CSMD1: variants seen among roughly 807,000 people sequenced by gnomAD.
CSMD1 encodes the protein CUB and sushi domain-containing protein 1.
A neutral mutation model predicts 417.5 loss-of-function variants in CSMD1; 213 were observed. That is an observed-to-expected ratio of 0.51 (90% CI 0.46 to 0.57). The LOEUF (loss-of-function observed/expected upper bound fraction) is 0.57. Ranked by LOEUF, CSMD1 falls within the 20% of genes least tolerant of loss-of-function variation. The probability of loss-of-function intolerance (pLI) is 0.00; values close to 1 mark genes in which losing one functional copy is unlikely to be tolerated. For synonymous variants in CSMD1, 2,862 were observed against 1,736.8 expected, an observed-to-expected ratio of 1.65 and a Z score of -16.11; for missense variants, 6,923 against 4,529.7, an observed-to-expected ratio of 1.53 and a Z score of -15.17.
intron 2 of CSMD1, among the ~76,000 whole-genome samples, chr8:4,549,641 C>G (rs1410375869): frequency 6.6e-6 from 1 of 152,084 alleles, no homozygotes; most frequent in Non-Finnish European, 1.5e-5. Flanking sequence ...GTAATCCCAG[C>G]ACCTTGGGAG....
chr8:3,986,352 G>A (rs1814319593), intron 5 of CSMD1, among the ~76,000 whole-genome samples: 1 of 152,056 alleles, frequency 6.6e-6, no homozygotes, highest in Non-Finnish European at 1.5e-5. Context: ...GTAGATCCCT[G>A]AGCACTGAGA....
At chr8:3,456,506 T>C (rs958993271) in intron 12 of CSMD1, among the ~76,000 whole-genome samples, 19 of 152,216 alleles carry the variant, frequency 1.2e-4, no homozygotes, top group African/African-American at 4.3e-4. Flanking sequence ...TTGTGAATGA[T>C]GTCACCATGT....
At chr8:3,564,451 G>A (rs1197661886) in intron 10 of CSMD1, among the ~76,000 whole-genome samples, 1 of 151,472 alleles carries the variant, frequency 6.6e-6, no homozygotes, top group Non-Finnish European at 1.5e-5. Context: ...CTTTACCTCT[G>A]TAACACTTTA....
intron 11 of CSMD1, among the ~76,000 whole-genome samples, chr8:3,486,853 C>T (rs1020230549): frequency 6.6e-6 from 1 of 152,188 alleles, no homozygotes; most frequent in Non-Finnish European, 1.5e-5. Flanking sequence ...ATCCCCCTAC[C>T]AACAGGGTTC....
At chr8:4,268,866 T>C (rs373019280) in intron 3 of CSMD1, among the ~76,000 whole-genome samples, 1 of 152,190 alleles carries the variant, frequency 6.6e-6, no homozygotes, top group East Asian at 1.9e-4. Context: ...AACAAATCCC[T>C]TTCCACATAG....
chr8:4,577,519 C>G (rs941686267), intron 2 of CSMD1, among the ~76,000 whole-genome samples: 3 of 152,168 alleles, frequency 2.0e-5, no homozygotes, highest in African/African-American at 7.2e-5. Context: ...CCATCCACAG[C>G]CCATCCACAG....
chr8:3,113,983 T>A (rs1478988930), intron 42 of CSMD1, among the ~76,000 whole-genome samples: 1 of 152,090 alleles, frequency 6.6e-6, no homozygotes, highest in Non-Finnish European at 1.5e-5. Context: ...TTTGGTAGGC[T>A]TAGGGAGGAG....
At chr8:3,837,204 T>C (rs535379516) in intron 5 of CSMD1, among the ~76,000 whole-genome samples, 2 of 152,068 alleles carry the variant, frequency 1.3e-5, no homozygotes, top group African/African-American at 4.8e-5. Flanking sequence ...AAAGAAAACA[T>C]TGGCCAATTA....
chr8:4,144,820 A>G (rs191457914), intron 3 of CSMD1, among the ~76,000 whole-genome samples: 217 of 151,138 alleles, frequency 1.4e-3, no homozygotes, highest in Non-Finnish European at 2.7e-3. Context: ...AAAAAGCAAC[A>G]TTCGCAATCA....
chr8:3,989,988 T>C (rs2688273), intron 5 of CSMD1, among the ~76,000 whole-genome samples: 74,563 of 152,074 alleles, frequency 0.49, 18,476 homozygotes, highest in African/African-American at 0.54. Context: ...AAATGTACAA[T>C]TGGAACACGA....
Position 4,914,606 on chromosome 8 carries a change from G to C in CSMD1, c.85+79726C>G, listed in dbSNP as rs374224585. Reference sequence around the variant, plus strand: ...AAGAAAAAAAAAAAAAAAAAAAATAGAAGATAGAAATATAACGGTCGCCTT... The same window carrying C: ...AAGAAAAAAAAAAAAAAAAAAAATACAAGATAGAAATATAACGGTCGCCTT... On this transcript the variant is annotated intron_variant, in intron 1 of 69. Transcript: ENST00000635120. 8.7e-3 allele frequency among the ~76,000 whole-genome samples: 1,297 copies of C among 148,376 alleles called. 6 individuals are homozygous for C. Among genetic ancestry groups the C allele is most frequent in the African/African-American group, 0.015 (606 of 40,318 alleles).
chr8:3,044,298 T>C (rs1292367827), intron 50 of CSMD1, among the ~76,000 whole-genome samples: 1 of 152,212 alleles, frequency 6.6e-6, no homozygotes, highest in Admixed American at 6.5e-5. Flanking sequence ...ATTTTCTTGT[T>C]GCATGAAAAG....
At chr8:4,755,504 T>G (rs185234853) in intron 1 of CSMD1, among the ~76,000 whole-genome samples, 1 of 152,194 alleles carries the variant, frequency 6.6e-6, no homozygotes, top group Non-Finnish European at 1.5e-5. Context: ...AACGTTAAAA[T>G]TGATGTTTCC....
At chr8:3,477,441 G>A (rs1817496813) in intron 11 of CSMD1, among the ~76,000 whole-genome samples, 2 of 152,222 alleles carry the variant, frequency 1.3e-5, no homozygotes, top group Non-Finnish European at 2.9e-5. Flanking sequence ...TTAATTGTAT[G>A]ATTTAAGTGA....
intron 5 of CSMD1, among the ~76,000 whole-genome samples, chr8:3,988,408 G>A (rs35337858): frequency 6.6e-6 from 1 of 152,018 alleles, no homozygotes; most frequent in African/African-American, 2.4e-5. Context: ...ATTAGTTATG[G>A]TTTTAGGTCT....
chr8:4,700,649 G>C (rs1807467121), intron 1 of CSMD1, among the ~76,000 whole-genome samples: 2 of 152,196 alleles, frequency 1.3e-5, no homozygotes, highest in East Asian at 1.9e-4. Context: ...AAAAATGAAA[G>C]TAACTGGACA....
intron 49 of CSMD1, among the ~76,000 whole-genome samples, chr8:3,064,874 T>A (rs1489477271): frequency 6.6e-6 from 1 of 151,568 alleles, no homozygotes; most frequent in Non-Finnish European, 1.5e-5. Context: ...AGTTTCAGAA[T>A]CAAGGACCAA....
Position 3,915,182 on chromosome 8 carries a change from G to A in CSMD1, c.818+82721C>T, listed in dbSNP as rs115225400. ...GCCCTTTGGGAGGCTGAGGCAGGAGGACCACCTAAGGTCAGGATTTCGAGA... is the reference window on the plus strand; with the variant it reads ...GCCCTTTGGGAGGCTGAGGCAGGAGAACCACCTAAGGTCAGGATTTCGAGA... On this transcript the variant is annotated intron_variant, in intron 5 of 69. Coordinates refer to ENST00000635120, the MANE Select transcript of CSMD1 (RefSeq NM_033225.6). 1.5e-3 allele frequency among the ~76,000 whole-genome samples: 232 copies of A among 152,090 alleles called. 1 individual carries two copies. Among genetic ancestry groups the A allele is most frequent in the African/African-American group, 5.3e-3 (219 of 41,486 alleles).
intron 5 of CSMD1, among the ~76,000 whole-genome samples, chr8:3,951,314 C>G (rs377081337): frequency 1.1e-4 from 17 of 152,302 alleles, no homozygotes; most frequent in South Asian, 4.1e-4. Flanking sequence ...GCACCTTCTC[C>G]TCGTTTTAAG....
Sources: allele counts gnomAD v4.1 joint callset (sites outside exome capture counted in the v4.1 genomes callset), GRCh38; gene constraint gnomAD v4.1.1; transcripts MANE v1.5; gene names NCBI Gene and HGNC (gene_info 2026-07-23, HGNC 2026-07-21).